Variants in CDK5RAP2 observed in about 807,000 individuals in gnomAD.
CDK5RAP2 encodes CDK5 regulatory subunit associated protein 2.
In CDK5RAP2, 147 loss-of-function variants were observed where a neutral mutation model predicts 232.9. The observed-to-expected ratio is 0.63, with a 90% confidence interval of 0.55 to 0.72. The LOEUF is 0.72. Among genes scored for constraint, CDK5RAP2 ranks in the 30% least tolerant of loss-of-function variants. The pLI is 0.00. For missense variants in CDK5RAP2, 2,195 were observed against 2,231.5 expected (o/e 0.98, Z 0.33); for synonymous variants, 833 against 833.7 (o/e 1.00, Z 0.01).
chr9:120,448,850 T>G (rs2036339541), intron 21 of CDK5RAP2, among the ~76,000 whole-genome samples: 1 of 152,170 alleles, frequency 6.6e-6, no homozygotes, highest in South Asian at 2.1e-4. Flanking sequence ...TTCTTTCAAC[T>G]CTTCTCATCC....
At chr9:120,472,022 T>C in intron 15 of CDK5RAP2, 144 bp from the exon 16 acceptor site, 2 of 977,580 alleles carry the variant, frequency 2.0e-6, no homozygotes, top group Non-Finnish European at 3.1e-6. Flanking sequence ...TATAGAGAAT[T>C]TTAAATACAA....
At chr9:120,541,284 T>C (rs2041621435) in intron 5 of CDK5RAP2, among the ~76,000 whole-genome samples, 1 of 152,186 alleles carries the variant, frequency 6.6e-6, no homozygotes, top group Non-Finnish European at 1.5e-5. Context: ...GATCTAACCT[T>C]TCTGTTTTGC....
chr9:120,404,180 A>G, intron 32 of CDK5RAP2, 67 bp from the exon 33 acceptor site: 1 of 1,006,722 alleles, frequency 9.9e-7, no homozygotes, highest in Non-Finnish European at 1.6e-6. Context: ...GAACTGAAAG[A>G]GAATACAGTC....
At position 120,530,108 on chromosome 9, in the gene CDK5RAP2, C is replaced by T; in HGVS notation, c.695G>A (p.Ser232Asn). 1.2e-6 allele frequency: 2 copies of T among 1,613,532 alleles called. No individual in the cohort carries two copies. The highest frequency in any genetic ancestry group is 2.2e-5 in the South Asian group (2 of 91,064). Residue 232 changes from serine to asparagine, a missense_variant, in exon 8 of 38, where the codon AGC becomes AAC. Coordinates refer to ENST00000349780, the MANE Select transcript of CDK5RAP2 (RefSeq NM_018249.6). ...LIEELKLSLK[S>N]KEALIQCLKE... is the part of the protein sequence containing the mutation. ...AAGGCACTGAATTAAAGCTTCTTTG[C>T]TCTTCAAAGACAGCTTCAACTCCTC...
chr9:120,569,529 C>A (rs1185516152), intron 2 of CDK5RAP2, among the ~76,000 whole-genome samples: 2 of 152,166 alleles, frequency 1.3e-5, no homozygotes, highest in Non-Finnish European at 2.9e-5. Context: ...GGGGAGAATT[C>A]TCCACATTCA....
chr9:120,469,896 C>G (rs574975139), intron 17 of CDK5RAP2, among the ~76,000 whole-genome samples: 33 of 152,118 alleles, frequency 2.2e-4, no homozygotes, highest in Non-Finnish European at 4.0e-4. Context: ...TCAAGGAGAT[C>G]GAGCCTGGCT....
intron 15 of CDK5RAP2, among the ~76,000 whole-genome samples, chr9:120,474,717 A>C (rs546752439): frequency 6.6e-6 from 1 of 152,340 alleles, no homozygotes; most frequent in South Asian, 2.1e-4. Context: ...GCTGCTGTGA[A>C]GAATAAATAG....
rs554362174 is a variant in CDK5RAP2, at chr9:120,559,460, C to G, written c.196-8558G>C. 2.8e-5 allele frequency among the ~76,000 whole-genome samples: 4 copies of G among 141,356 alleles called. No homozygotes were observed. In the South Asian group the frequency reaches 9.0e-4, roughly 32 times the overall value. The allele number at this position is 141,356 out of a possible 152,430, so 92.7% of individuals were successfully genotyped here. A position where few individuals can be genotyped will look rare whatever the true frequency, so the allele number is the denominator to read the frequency against. On this transcript the variant is annotated intron_variant, in intron 3 of 37. Transcript: ENST00000349780. ...CGAGATCAGGCCACTGCACTCCAGCCTGGGCAACACAGAGCAAGACTCTGT... is the reference window on the plus strand; with the variant it reads ...CGAGATCAGGCCACTGCACTCCAGCGTGGGCAACACAGAGCAAGACTCTGT...
intron 18 of CDK5RAP2, among the ~76,000 whole-genome samples, chr9:120,467,287 G>A (rs2131501380): frequency 6.6e-6 from 1 of 152,282 alleles, no homozygotes; most frequent in South Asian, 2.1e-4. Context: ...TGGGTGGTTT[G>A]GAAACTCTCC....
chr9:120,524,348 C>T (rs938884407), intron 11 of CDK5RAP2, among the ~76,000 whole-genome samples: 3 of 152,146 alleles, frequency 2.0e-5, no homozygotes, highest in African/African-American at 7.2e-5. Context: ...GCCTCAAAAC[C>T]TCACAAATAC....
At chr9:120,554,128 C>T (rs1422985618) in intron 3 of CDK5RAP2, among the ~76,000 whole-genome samples, 1 of 152,108 alleles carries the variant, frequency 6.6e-6, no homozygotes, top group Non-Finnish European at 1.5e-5. Context: ...AAAAACACTA[C>T]AGTATGGGAC....
chr9:120,539,212 T>C (rs1227841353), intron 5 of CDK5RAP2, 48 bp from the exon 6 acceptor site: 2 of 1,611,980 alleles, frequency 1.2e-6, no homozygotes, highest in Non-Finnish European at 1.7e-6. Context: ...GATGGTCTGA[T>C]GGTTATTTCA....
intron 27 of CDK5RAP2, 136 bp from the exon 28 acceptor site, chr9:120,415,295 T>C: frequency 4.2e-6 from 4 of 956,802 alleles, no homozygotes; most frequent in Non-Finnish European, 6.5e-6. Context: ...AATTCTTTCC[T>C]AGGCATGGGG....
chr9:120,553,963 A>G (rs2042135777), intron 3 of CDK5RAP2, among the ~76,000 whole-genome samples: 1 of 152,162 alleles, frequency 6.6e-6, no homozygotes, highest in Non-Finnish European at 1.5e-5. Flanking sequence ...ATAGTCTACT[A>G]GTCTATAGTT....
At chr9:120,507,315 G>C (rs1018564528) in intron 12 of CDK5RAP2, among the ~76,000 whole-genome samples, 28 of 152,260 alleles carry the variant, frequency 1.8e-4, no homozygotes, top group African/African-American at 6.7e-4. Flanking sequence ...TCTCCTGAGG[G>C]ACGTCTGTAC....
chr9:120,563,302 G>A (rs574431543), intron 3 of CDK5RAP2, among the ~76,000 whole-genome samples: 10 of 152,272 alleles, frequency 6.6e-5, no homozygotes, highest in South Asian at 2.1e-4. Flanking sequence ...AGTGTACGAC[G>A]GGGAGAGGAA....
intron 12 of CDK5RAP2, among the ~76,000 whole-genome samples, chr9:120,510,019 A>T (rs1470078629): frequency 6.6e-6 from 1 of 152,200 alleles, no homozygotes; most frequent in East Asian, 1.9e-4. Flanking sequence ...TTAGTAAAAA[A>T]TATAGTACCT....
intron 23 of CDK5RAP2, chr9:120,440,231 T>A: frequency 1.9e-6 from 1 of 531,234 alleles, no homozygotes; most frequent in South Asian, 2.1e-5. Context: ...AAAAGTAATT[T>A]TAACCATGAT....
chr9:120,527,751 G>A (rs981782356), intron 10 of CDK5RAP2, 55 bp downstream of exon 10: 1 of 1,600,452 alleles, frequency 6.2e-7, no homozygotes, highest in African/African-American at 1.3e-5. Flanking sequence ...GGGTAGGACA[G>A]GCCAGTCATA....
Sources: allele counts gnomAD v4.1 joint callset (sites outside exome capture counted in the v4.1 genomes callset), GRCh38; gene constraint gnomAD v4.1.1; transcripts MANE v1.5; gene names NCBI Gene and HGNC (gene_info 2026-07-23, HGNC 2026-07-21).